TRAPPC12: variants seen among roughly 807,000 people sequenced by gnomAD.
The protein encoded by TRAPPC12 is trafficking protein particle complex subunit 12.
Under a neutral mutation model 69.2 loss-of-function variants are expected in TRAPPC12, and 61 were observed. The ratio of observed to expected loss-of-function variants is 0.88; its 90% CI spans 0.72 to 1.09. The LOEUF is 1.09. Ranked by LOEUF, TRAPPC12 falls within the 50% of genes least tolerant of loss-of-function variation. TRAPPC12 has a pLI of 0.00. For missense variants in TRAPPC12, 1,101 were observed against 1,016.4 expected (o/e 1.08, Z -1.13); for synonymous variants, 469 against 438.9 (o/e 1.07, Z -0.86).
intron 2 of TRAPPC12, among the ~76,000 whole-genome samples, chr2:3,400,053 T>C (rs1474386170): frequency 6.6e-6 from 1 of 152,144 alleles, no homozygotes; most frequent in Non-Finnish European, 1.5e-5. Context: ...CTAGTTTGAG[T>C]CTTTCTTCTG....
chr2:3,434,725 G>A (rs1663651467), intron 5 of TRAPPC12, among the ~76,000 whole-genome samples: 3 of 152,230 alleles, frequency 2.0e-5, no homozygotes, highest in African/African-American at 4.8e-5. Flanking sequence ...TCTGCAGAGC[G>A]GCTGCCAAGT....
intron 5 of TRAPPC12, among the ~76,000 whole-genome samples, chr2:3,426,444 C>T (rs1010571651): frequency 2.0e-5 from 3 of 152,246 alleles, no homozygotes; most frequent in Non-Finnish European, 4.4e-5. Flanking sequence ...CTGTCCAGTC[C>T]TGCTGGCCTT....
chr2:3,438,211 T>TC (rs1335253585), intron 5 of TRAPPC12, among the ~76,000 whole-genome samples: 1 of 55,876 alleles, frequency 1.8e-5, no homozygotes, highest in Non-Finnish European at 3.3e-5. Flanking sequence ...CCTGGATTCA[T>TC]CCCCCACCAC....
chr2:3,438,843 T>C (rs1664040635), intron 5 of TRAPPC12, among the ~76,000 whole-genome samples: 2 of 152,274 alleles, frequency 1.3e-5, no homozygotes, highest in African/African-American at 4.8e-5. Flanking sequence ...TTGAAGAACA[T>C]CTTGGTTGCT....
intron 5 of TRAPPC12, among the ~76,000 whole-genome samples, chr2:3,433,421 G>A (rs908000732): frequency 2.0e-5 from 3 of 152,238 alleles, no homozygotes; most frequent in African/African-American, 7.2e-5. Context: ...TGGCACAGGC[G>A]TCCAGGCATC....
At chr2:3,457,948 G>A (rs1028003662) in intron 7 of TRAPPC12, 17 of 1,373,806 alleles carry the variant, frequency 1.2e-5, no homozygotes, top group African/African-American at 1.5e-5. Flanking sequence ...AAAAGCACAC[G>A]GCCCGGAACC....
chr2:3,387,549 GCAATACT>G (rs1045710341), intron 1 of TRAPPC12, 64 bp from the exon 2 acceptor site: 1 of 1,182,690 alleles, frequency 8.5e-7, no homozygotes, highest in African/African-American at 1.5e-5. Context: ...GAATCTATAA[GCAATACT>G]CATTTTTCGG....
At chr2:3,381,801 CT>C (rs1660223506) in intron 1 of TRAPPC12, among the ~76,000 whole-genome samples, 1 of 152,218 alleles carries the variant, frequency 6.6e-6, no homozygotes, top group South Asian at 2.1e-4. Context: ...CTGCCATCAC[CT>C]TCCACCCCTC....
chr2:3,397,898 TCTC>T, intron 2 of TRAPPC12, among the ~76,000 whole-genome samples: 1 of 152,296 alleles, frequency 6.6e-6, no homozygotes, highest in Middle Eastern at 3.4e-3. Flanking sequence ...TGCTTGGGAT[TCTC>T]CTCCTGCAAT....
chr2:3,437,611 A>G (rs1159343338), intron 5 of TRAPPC12, among the ~76,000 whole-genome samples: 1 of 31,778 alleles, frequency 3.1e-5, no homozygotes, highest in African/African-American at 1.1e-4. Context: ...ATACCCCATC[A>G]CCCCAGGATT....
At chr2:3,412,680 G>A (rs1165805995) in intron 3 of TRAPPC12, among the ~76,000 whole-genome samples, 2 of 152,132 alleles carry the variant, frequency 1.3e-5, no homozygotes, top group Admixed American at 6.6e-5. Flanking sequence ...GACACAGAGC[G>A]GCCAGCTACA....
intron 1 of TRAPPC12, among the ~76,000 whole-genome samples, chr2:3,383,434 T>C (rs2103416598): frequency 7.0e-6 from 1 of 142,820 alleles, no homozygotes; most frequent in South Asian, 2.6e-4. Context: ...AGTCTTTCTC[T>C]GTCACCCAGG....
At chr2:3,439,019 G>C (rs1664050051) in intron 5 of TRAPPC12, among the ~76,000 whole-genome samples, 1 of 152,052 alleles carries the variant, frequency 6.6e-6, no homozygotes, top group African/African-American at 2.4e-5. Flanking sequence ...GTAAATATCT[G>C]CCAAGCATCT....
Position 3,387,878 on chromosome 2 carries a change from G to T in TRAPPC12, c.255G>T (p.Leu85=), listed in dbSNP as rs924135092. The change falls in exon 2 of 12, where the codon CTG becomes CTT. Residue 85 remains leucine (L), a synonymous_variant. Transcript: ENST00000324266. ...ACAGCGAGGGCGACGCGGGCGACCTGGGCCGAGTGCGGGACGAAGCTGAGC... is the reference window on the plus strand; with the variant it reads ...ACAGCGAGGGCGACGCGGGCGACCTTGGCCGAGTGCGGGACGAAGCTGAGC... ...SPNSEGDAGD[L]GRVRDEAEPG... 2 of 1,585,868 alleles carry T rather than the reference G, an allele frequency of 1.3e-6. No individual in the cohort carries two copies. Among genetic ancestry groups the T allele is most frequent in the East Asian group, 2.3e-5 (1 of 43,350 alleles).
At chr2:3,477,637 T>C in intron 9 of TRAPPC12, 58 bp from the exon 10 acceptor site, 1 of 998,572 alleles carries the variant, frequency 1.0e-6, no homozygotes, top group Non-Finnish European at 1.5e-6. Flanking sequence ...ACTAAATATA[T>C]GAGTATAGAC....
At chr2:3,479,066 C>A in intron 11 of TRAPPC12, 133 bp downstream of exon 11, 1 of 1,489,170 alleles carries the variant, frequency 6.7e-7, no homozygotes, top group Non-Finnish European at 9.1e-7. Flanking sequence ...TGGCTGTGGC[C>A]CTTAGGGGAA....
At chr2:3,468,837 C>T (rs1188445287) in intron 9 of TRAPPC12, among the ~76,000 whole-genome samples, 2 of 152,242 alleles carry the variant, frequency 1.3e-5, no homozygotes, top group Non-Finnish European at 2.9e-5. Flanking sequence ...GCACCCTGCT[C>T]ACCCCCAATG....
chr2:3,446,011 G>A (rs1225027050), intron 6 of TRAPPC12, among the ~76,000 whole-genome samples: 4 of 152,206 alleles, frequency 2.6e-5, no homozygotes, highest in Non-Finnish European at 4.4e-5. Context: ...GCATCGTAGG[G>A]TTGGGGAGAA....
chr2:3,478,244 G>A (rs538502077), intron 10 of TRAPPC12: 3 of 160,180 alleles, frequency 1.9e-5, no homozygotes, highest in Non-Finnish European at 4.1e-5. Flanking sequence ...CTTGGACAAA[G>A]CCTGCAGCCA....
Sources: allele counts gnomAD v4.1 joint callset (sites outside exome capture counted in the v4.1 genomes callset), GRCh38; gene constraint gnomAD v4.1.1; transcripts MANE v1.5; gene names NCBI Gene and HGNC (gene_info 2026-07-23, HGNC 2026-07-21).